Variants in ACTR3C observed in about 807,000 individuals in gnomAD.
The protein encoded by ACTR3C is actin related protein 3C.
Under a neutral mutation model 26.3 loss-of-function variants are expected in ACTR3C, and 18 were observed. The observed-to-expected ratio is 0.68, with a 90% CI of 0.47 to 1.01. The LOEUF (loss-of-function observed/expected upper bound fraction) is 1.01. Among genes scored for constraint, ACTR3C ranks in the 50% least tolerant of loss-of-function variants. The pLI, the probability that ACTR3C is intolerant of heterozygous loss-of-function variation, is 0.00. For missense variants in ACTR3C, 184 were observed against 250.7 expected, an observed-to-expected ratio of 0.73 and a Z score of 1.80; for synonymous variants, 55 against 94.5, an observed-to-expected ratio of 0.58 and a Z score of 2.42.
At chr7:150,070,789 T>G in the ACTR3C span, among the ~76,000 whole-genome samples, 1 of 148,840 alleles carries the variant, frequency 6.7e-6, no homozygotes, top group Non-Finnish European at 1.5e-5. Flanking sequence ...ATTTTTTTCT[T>G]TTTTCTTTTC....
chr7:150,037,128 C>A, the ACTR3C span, among the ~76,000 whole-genome samples: 2 of 64,266 alleles, frequency 3.1e-5, 1 homozygote, highest in African/African-American at 9.9e-5. Context: ...GGGACTGGCT[C>A]TCAGTCCCTG....
chr7:149,953,215 A>T, the ACTR3C span, among the ~76,000 whole-genome samples: 1 of 149,720 alleles, frequency 6.7e-6, no homozygotes, highest in East Asian at 1.9e-4. Flanking sequence ...TTTTGTAAAG[A>T]AAAGTATTTG....
chr7:150,013,989 A>C, the ACTR3C span, among the ~76,000 whole-genome samples: 1 of 152,160 alleles, frequency 6.6e-6, no homozygotes, highest in Non-Finnish European at 1.5e-5. Flanking sequence ...GAGTCTGCCA[A>C]CCTGAGTGGC....
At chr7:150,198,042 C>T in the ACTR3C span, among the ~76,000 whole-genome samples, 1 of 151,508 alleles carries the variant, frequency 6.6e-6, no homozygotes, top group South Asian at 2.1e-4. Flanking sequence ...GACGGGGTTT[C>T]GCTGTGTTGG....
At chr7:150,188,464 G>A in the ACTR3C span, among the ~76,000 whole-genome samples, 5 of 151,598 alleles carry the variant, frequency 3.3e-5, no homozygotes, top group East Asian at 3.9e-4. Context: ...GTTCTCTTGA[G>A]TAAATACTCA....
chr7:149,978,538 A>G, the ACTR3C span, among the ~76,000 whole-genome samples: 1 of 152,086 alleles, frequency 6.6e-6, no homozygotes, highest in Non-Finnish European at 1.5e-5. Context: ...ATATGTTGTC[A>G]TGTTCCTGCC....
At chr7:150,088,867 A>G in the ACTR3C span, among the ~76,000 whole-genome samples, 2 of 152,168 alleles carry the variant, frequency 1.3e-5, no homozygotes, top group African/African-American at 4.8e-5. Context: ...CCTTTCTAGA[A>G]CTAAGCTTCC....
At chr7:149,930,287 A>G in the ACTR3C span, among the ~76,000 whole-genome samples, 1 of 152,188 alleles carries the variant, frequency 6.6e-6, no homozygotes, top group Non-Finnish European at 1.5e-5. Context: ...CTAGAAGGGA[A>G]AATGTGTCCT....
chr7:149,991,782 G>A, the ACTR3C span, among the ~76,000 whole-genome samples: 1 of 152,230 alleles, frequency 6.6e-6, no homozygotes, highest in Non-Finnish European at 1.5e-5. Context: ...CCAGGCTGGA[G>A]TGCAGTGGTG....
At chr7:149,888,918 GA>G in the ACTR3C span, among the ~76,000 whole-genome samples, 2 of 152,034 alleles carry the variant, frequency 1.3e-5, no homozygotes, top group African/African-American at 2.4e-5. Flanking sequence ...TGAGGCAGGA[GA>G]ATCGCTTGAA....
chr7:150,134,635 C>T, the ACTR3C span, among the ~76,000 whole-genome samples: 581 of 152,392 alleles, frequency 3.8e-3, no homozygotes, highest in African/African-American at 0.013. Context: ...TCTCCAACAA[C>T]TGAGAAGCTT....
At chr7:149,968,639 G>A in the ACTR3C span, among the ~76,000 whole-genome samples, 1 of 152,218 alleles carries the variant, frequency 6.6e-6, no homozygotes, top group East Asian at 1.9e-4. Context: ...ACAGATGTGA[G>A]CCATCATGTC....
chr7:149,928,022 A>G, the ACTR3C span, among the ~76,000 whole-genome samples: 44 of 152,308 alleles, frequency 2.9e-4, no homozygotes, highest in African/African-American at 1.0e-3. Context: ...AGTCTGTAAG[A>G]CAGAGGCATC....
At chr7:150,049,341 C>T in the ACTR3C span, among the ~76,000 whole-genome samples, 4 of 152,236 alleles carry the variant, frequency 2.6e-5, no homozygotes, top group East Asian at 5.8e-4. Context: ...CCTTCCCGGC[C>T]GGGAAGGACC....
At chr7:150,089,480 G>T in the ACTR3C span, among the ~76,000 whole-genome samples, 2 of 152,264 alleles carry the variant, frequency 1.3e-5, no homozygotes, top group Admixed American at 1.3e-4. Context: ...CAGGAACAGA[G>T]TTGGGTCAAG....
chr7:150,317,960 G>C (rs1797105936), intron 1 of ACTR3C, among the ~76,000 whole-genome samples: 1 of 152,138 alleles, frequency 6.6e-6, no homozygotes, highest in Admixed American at 6.5e-5. Context: ...ACAAGAGGGT[G>C]TTAAAAAGGA....
the ACTR3C span, among the ~76,000 whole-genome samples, chr7:150,087,758 C>T: frequency 6.2e-4 from 94 of 152,134 alleles, 2 homozygotes; most frequent in Non-Finnish European, 1.3e-4. Flanking sequence ...AAGTAAACTG[C>T]CTCCAGAAGA....
At chr7:150,031,410 A>G in the ACTR3C span, among the ~76,000 whole-genome samples, 2 of 152,196 alleles carry the variant, frequency 1.3e-5, no homozygotes, top group Non-Finnish European at 2.9e-5. Context: ...GCTTAAGGCC[A>G]GTGGGATACC....
chr7:149,902,566 G>T, the ACTR3C span, among the ~76,000 whole-genome samples: 1 of 19,816 alleles, frequency 5.0e-5, no homozygotes. Flanking sequence ...GACCAGCCTG[G>T]GCAACAAGAG....
Sources: allele counts gnomAD v4.1 joint callset (sites outside exome capture counted in the v4.1 genomes callset), GRCh38; gene constraint gnomAD v4.1.1; transcripts MANE v1.5; gene names NCBI Gene and HGNC (gene_info 2026-07-23, HGNC 2026-07-21).